Variants in PCDHGB6 observed in about 807,000 individuals in gnomAD.
PCDHGB6 encodes the protein protocadherin gamma subfamily B, 6, also known as protocadherin gamma-B6.
Under a neutral mutation model 59.1 loss-of-function variants are expected in PCDHGB6, and 51 were observed. The observed-to-expected ratio is 0.86, with a 90% confidence interval of 0.69 to 1.09. The LOEUF is 1.09. Among genes scored for constraint, PCDHGB6 ranks in the 50% least tolerant of loss-of-function variants. The pLI is 0.00. For synonymous variants in PCDHGB6, 466 were observed against 495.1 expected (o/e 0.94, Z 0.78); for missense variants, 1,148 against 1,205.1 (o/e 0.95, Z 0.70).
chr5:141,434,667 G>T (rs1464226862), intron 1 of PCDHGB6, among the ~76,000 whole-genome samples: 3 of 152,074 alleles, frequency 2.0e-5, no homozygotes, highest in East Asian at 3.9e-4. Context: ...CTATAGAAAT[G>T]ATGCTAATGA....
At chr5:141,510,450 T>G (rs1273211856) in intron 3 of PCDHGB6, among the ~76,000 whole-genome samples, 1 of 151,946 alleles carries the variant, frequency 6.6e-6, no homozygotes, top group Non-Finnish European at 1.5e-5. Flanking sequence ...CAGGAGCCCA[T>G]GGTCTAGTGT....
intron 1 of PCDHGB6, among the ~76,000 whole-genome samples, chr5:141,450,783 G>A (rs2879228): frequency 0.25 from 37,099 of 150,510 alleles, 4,810 homozygotes; most frequent in Admixed American, 0.32. Flanking sequence ...CACCGTGCCC[G>A]GACCTCATGA....
rs57426385 is a variant in PCDHGB6, at chr5:141,415,740, G to GTTTTTTTTTTTT, written c.2418+5141_2418+5152dup. 137 of 625,016 alleles carry GTTTTTTTTTTTT rather than the reference G, an allele frequency of 2.2e-4. 2 individuals carry two copies. The highest frequency in any genetic ancestry group is 3.5e-4 in the Admixed American group (5 of 14,120). The allele number at this position is 625,016 out of a possible 1,614,324, so 38.7% of individuals were successfully genotyped here. On this transcript the variant is annotated intron_variant, in intron 1 of 3. Coordinates refer to ENST00000520790, the MANE Select transcript of PCDHGB6 (RefSeq NM_018926.3). ...TGAGTAGAATTTGATGTTTATTAAG[G>GTTTTTTTTTTTT]TTTTTTTTTTTTTTTTTTTTTTTTT... is the stretch of plus-strand genomic sequence containing the variant.
intron 1 of PCDHGB6, among the ~76,000 whole-genome samples, chr5:141,470,877 T>C (rs1438812002): frequency 1.3e-5 from 2 of 151,808 alleles, no homozygotes; most frequent in Non-Finnish European, 2.9e-5. Context: ...TTTGTTTTTT[T>C]GTTTTTGTTT....
At chr5:141,499,300 C>G (rs2154592463) in intron 2 of PCDHGB6, among the ~76,000 whole-genome samples, 1 of 152,292 alleles carries the variant, frequency 6.6e-6, no homozygotes, top group South Asian at 2.1e-4. Context: ...ACTACCATCC[C>G]TCCTCTGAGA....
intron 1 of PCDHGB6, among the ~76,000 whole-genome samples, chr5:141,479,965 T>C (rs2099510479): frequency 6.6e-6 from 1 of 152,234 alleles, no homozygotes; most frequent in East Asian, 1.9e-4. Context: ...GTTAGTCAAA[T>C]GAGGTTCTAC....
intron 1 of PCDHGB6, among the ~76,000 whole-genome samples, chr5:141,460,110 A>G (rs966038979): frequency 2.0e-5 from 3 of 151,894 alleles, no homozygotes; most frequent in African/African-American, 7.2e-5. Context: ...ATTATATATG[A>G]TTTTTATATA....
At chr5:141,421,512 G>A in intron 1 of PCDHGB6, 1 of 1,614,094 alleles carries the variant, frequency 6.2e-7, no homozygotes, top group Non-Finnish European at 8.5e-7. Flanking sequence ...ACCGGGAGGA[G>A]CTCTGTGAGA....
intron 1 of PCDHGB6, among the ~76,000 whole-genome samples, chr5:141,438,615 TATATATATATATATATATATACACACAC>T (rs2098021754): frequency 1.1e-4 from 4 of 35,920 alleles, no homozygotes; most frequent in Non-Finnish European, 1.8e-4. Flanking sequence ...TATATATATA[TATATATATATATATATATATACACACAC>T]ACACACACAT....
In PCDHGB6 at chr5:141,486,474, C is replaced by T. The variant is rs1594589698; in HGVS notation, c.2419-8333C>T. On this transcript the variant is annotated intron_variant, in intron 1 of 3. Transcript: ENST00000520790. This position sits in a 1 kb window ranked among gnomAD's most constrained non-coding sequence, Gnocchi z 5.0. ...ACTGCTTCTGATGCTGGGAACCCTCCTCTCAGTACCCACAGAACTATTTTC... is the reference window on the plus strand; with the variant it reads ...ACTGCTTCTGATGCTGGGAACCCTCTTCTCAGTACCCACAGAACTATTTTC... 1 of 1,614,016 alleles carries T rather than the reference C, an allele frequency of 6.2e-7. No homozygotes were observed. Among genetic ancestry groups the T allele is most frequent in the South Asian group, 1.1e-5 (1 of 91,082 alleles).
At position 141,511,572 on chromosome 5, in the gene PCDHGB6, T is replaced by C. The variant is rs1366960269; in HGVS notation, c.*399T>C. The C allele has an allele frequency of 1.0e-5, 3 of 289,550 alleles. No homozygotes were observed. The East Asian group carries it at 2.4e-4, about 23-fold the overall frequency. 17.9% of individuals were successfully genotyped at this position (289,550 alleles called of 1,614,324 possible). ...AACAGTTCCTCTTTCCCGAGTAAGG[T>C]GGTTGGGGTGTTGAAGTACCAAGTA... On this transcript the variant is annotated 3_prime_UTR_variant, in exon 4 of 4. Coordinates refer to ENST00000520790, the MANE Select transcript of PCDHGB6 (RefSeq NM_018926.3).
At position 141,408,990 on chromosome 5, in the gene PCDHGB6, AAGTGAC is replaced by A. The variant is rs769374488; in HGVS notation, c.791_796del (p.Val264_Thr265del). The A allele has an allele frequency of 1.2e-6, 2 of 1,613,984 alleles. No individual in the cohort carries two copies. The highest frequency in any genetic ancestry group is 1.7e-6 in the Non-Finnish European group (2 of 1,179,890). ...CTGCCCCCTGGGTCCCCTGTGTTGCAAGTGACAGCCACTGACCAGGATGAGGGGGTC... is the reference window on the plus strand; with the variant it reads ...CTGCCCCCTGGGTCCCCTGTGTTGCAAGCCACTGACCAGGATGAGGGGGTC... On this transcript the variant is annotated inframe_deletion, in exon 1 of 4. Coordinates refer to ENST00000520790, the MANE Select transcript of PCDHGB6 (RefSeq NM_018926.3).
intron 1 of PCDHGB6, among the ~76,000 whole-genome samples, chr5:141,467,814 A>G (rs2099152300): frequency 6.6e-6 from 1 of 151,978 alleles, no homozygotes; most frequent in Non-Finnish European, 1.5e-5. Flanking sequence ...ACATGCCACC[A>G]CACCAGGCTG....
chr5:141,472,364 AC>A (rs2099278314), intron 1 of PCDHGB6, among the ~76,000 whole-genome samples: 1 of 151,866 alleles, frequency 6.6e-6, no homozygotes, highest in Non-Finnish European at 1.5e-5. Flanking sequence ...ACACGGTGAA[AC>A]CCCGTCTCCA....
At chr5:141,481,282 T>C (rs2099534931) in intron 1 of PCDHGB6, among the ~76,000 whole-genome samples, 1 of 152,148 alleles carries the variant, frequency 6.6e-6, no homozygotes, top group African/African-American at 2.4e-5. Flanking sequence ...CATAAAATGG[T>C]ATTTCAGTCA....
Position 141,419,293 on chromosome 5 carries a change from C to A in PCDHGB6, c.2418+8673C>A, listed in dbSNP as rs748856660. 1.5e-5 allele frequency: 25 copies of A among 1,614,026 alleles called. No individual in the cohort carries two copies. The African/African-American group carries it at 3.2e-4, about 21-fold the overall frequency. Reference sequence around the variant, plus strand: ...CCATAGCGCAAGTCAGTGCCTCTGACCCAGACTTCGGGCTCAACGGCCGTG... The same window carrying A: ...CCATAGCGCAAGTCAGTGCCTCTGAACCAGACTTCGGGCTCAACGGCCGTG... On this transcript the variant is annotated intron_variant, in intron 1 of 3. Transcript: ENST00000520790.
chr5:141,491,712 G>A lies in PCDHGB6; in HGVS notation c.2419-3095G>A, dbSNP rs932849130. On this transcript the variant is annotated intron_variant, in intron 1 of 3. Coordinates refer to ENST00000520790, the MANE Select transcript of PCDHGB6 (RefSeq NM_018926.3). The surrounding 1 kb of genome is among the most constrained non-coding windows in gnomAD (Gnocchi z 6.9). Reference sequence around the variant, plus strand: ...GGGAGCGGAGCCAGGTGAGGGGCTCGGCGCCGCCCCGGGCGACCCCTGGGG... The same window carrying A: ...GGGAGCGGAGCCAGGTGAGGGGCTCAGCGCCGCCCCGGGCGACCCCTGGGG... The A allele has an allele frequency of 1.2e-6, 2 of 1,609,290 alleles. No homozygotes were observed. Among genetic ancestry groups the A allele is most frequent in the East Asian group, 2.2e-5 (1 of 44,760 alleles).
intron 1 of PCDHGB6, among the ~76,000 whole-genome samples, chr5:141,439,459 A>C (rs558086952): frequency 6.6e-6 from 1 of 152,222 alleles, no homozygotes. Flanking sequence ...GCAAGACTGC[A>C]CTGCTGCCTT....
chr5:141,423,656 A>G (rs988976310), intron 1 of PCDHGB6: 2 of 1,571,854 alleles, frequency 1.3e-6, no homozygotes, highest in African/African-American at 1.4e-5. Context: ...CCGACAAGTA[A>G]TCAGGTGAGA....
Sources: gnomAD v4.1 joint callset for allele counts (sites outside exome capture counted in the v4.1 genomes callset) on GRCh38, gnomAD v4.1.1 for gene constraint, Gnocchi (gnomAD v3.1) non-coding constraint, MANE v1.5 for transcripts, NCBI Gene and HGNC (gene_info 2026-07-23, HGNC 2026-07-21) for gene names.